ROBO1: variants seen among roughly 807,000 people sequenced by gnomAD.
ROBO1 encodes roundabout homolog 1.
ROBO1 carries 149 observed loss-of-function variants against 195.9 expected under a neutral mutation model. The observed-to-expected ratio is 0.76, with a 90% CI of 0.67 to 0.87. ROBO1 has a LOEUF of 0.87. Among genes scored for constraint, ROBO1 ranks in the 40% least tolerant of loss-of-function variants. The pLI is 0.00. For missense variants in ROBO1, 1,933 were observed against 2,068.3 expected (o/e 0.93, Z 1.27); for synonymous variants, 816 against 733.2 (o/e 1.11, Z -1.82).
At chr3:79,721,916 G>T (rs557748166) in intron 1 of ROBO1, among the ~76,000 whole-genome samples, 1 of 152,270 alleles carries the variant, frequency 6.6e-6, no homozygotes, top group Admixed American at 6.5e-5. Context: ...GGTTAAACTA[G>T]TTTAAGATCA....
chr3:79,391,453 C>T (rs1449828749), intron 2 of ROBO1, among the ~76,000 whole-genome samples: 3 of 152,052 alleles, frequency 2.0e-5, no homozygotes, highest in Non-Finnish European at 4.4e-5. Flanking sequence ...GCATGCCAGG[C>T]TCAGCAGATG....
intron 4 of ROBO1, among the ~76,000 whole-genome samples, chr3:78,896,985 G>C (rs2037278017): frequency 6.6e-6 from 1 of 152,172 alleles, no homozygotes; most frequent in Non-Finnish European, 1.5e-5. Context: ...GTGAGAAAAT[G>C]CAACAAAACT....
chr3:78,820,432 G>GACAA (rs1285728436), intron 4 of ROBO1, among the ~76,000 whole-genome samples: 41 of 152,248 alleles, frequency 2.7e-4, no homozygotes, highest in African/African-American at 9.4e-4. Context: ...TCAAGGCCTG[G>GACAA]ATTCAAAGCC....
chr3:79,156,474 A>T (rs2080860132), intron 2 of ROBO1, among the ~76,000 whole-genome samples: 1 of 151,828 alleles, frequency 6.6e-6, no homozygotes, highest in East Asian at 1.9e-4. Flanking sequence ...TTAAAATAGC[A>T]TTCTATTTGA....
At chr3:78,792,839 C>T (rs1056649618) in intron 4 of ROBO1, among the ~76,000 whole-genome samples, 4 of 152,028 alleles carry the variant, frequency 2.6e-5, no homozygotes, top group Non-Finnish European at 5.9e-5. Context: ...GTGGCTCATG[C>T]CTGTAATCAC....
chr3:79,651,289 A>T (rs1945998907), intron 1 of ROBO1, among the ~76,000 whole-genome samples: 1 of 152,172 alleles, frequency 6.6e-6, no homozygotes, highest in South Asian at 2.1e-4. Context: ...CAAAAATATA[A>T]AAATTGATAA....
At chr3:79,561,072 C>A (rs541094750) in intron 2 of ROBO1, among the ~76,000 whole-genome samples, 34 of 151,574 alleles carry the variant, frequency 2.2e-4, no homozygotes, top group Non-Finnish European at 3.5e-4. Context: ...GATTTCTAGA[C>A]TTTGCATCGT....
intron 2 of ROBO1, among the ~76,000 whole-genome samples, chr3:79,220,678 G>A (rs1012832770): frequency 9.9e-5 from 15 of 151,948 alleles, no homozygotes; most frequent in Non-Finnish European, 2.2e-4. Flanking sequence ...TTGGGTGACT[G>A]TGTATCTTCA....
chr3:79,488,779 G>A (rs971689271), intron 2 of ROBO1, among the ~76,000 whole-genome samples: 1 of 152,096 alleles, frequency 6.6e-6, no homozygotes, highest in Admixed American at 6.5e-5. Context: ...ACTAAAACCT[G>A]GCGCCATGTA....
chr3:78,966,434 A>G (rs1163046457), intron 3 of ROBO1, among the ~76,000 whole-genome samples: 1 of 152,172 alleles, frequency 6.6e-6, no homozygotes, highest in African/African-American at 2.4e-5. Context: ...TCGACGAGAG[A>G]GGTCGGGACT....
chr3:79,096,886 T>C (rs2079580223), intron 3 of ROBO1, among the ~76,000 whole-genome samples: 2 of 151,602 alleles, frequency 1.3e-5, no homozygotes, highest in Non-Finnish European at 3.0e-5. Flanking sequence ...GAGTTTGACA[T>C]TGTAAAATGC....
chr3:79,733,476 A>C (rs1703242343), intron 1 of ROBO1, among the ~76,000 whole-genome samples: 1 of 152,268 alleles, frequency 6.6e-6, no homozygotes, highest in South Asian at 2.1e-4. Context: ...ATCTTTCACT[A>C]TACTTATCTC....
intron 3 of ROBO1, among the ~76,000 whole-genome samples, chr3:79,049,679 A>G (rs1038443170): frequency 1.9e-4 from 29 of 152,212 alleles, no homozygotes; most frequent in African/African-American, 7.0e-4. Flanking sequence ...AGGGAATCCC[A>G]TAAGACTAAC....
intron 2 of ROBO1, among the ~76,000 whole-genome samples, chr3:79,578,057 A>G (rs76854745): frequency 6.8e-6 from 1 of 147,582 alleles, no homozygotes; most frequent in Non-Finnish European, 1.5e-5. Context: ...AAACTTAATA[A>G]TATTATATAC....
Position 78,956,642 on chromosome 3 carries a change from T to C in ROBO1, c.173-17715A>G, listed in dbSNP as rs1203752751. Among the ~76,000 whole-genome samples, 7 of 152,198 alleles carry C rather than the reference T, an allele frequency of 4.6e-5. No individual in the cohort carries two copies. The East Asian group carries it at 5.8e-4, about 13-fold the overall frequency. On this transcript the variant is annotated intron_variant, in intron 3 of 30. Transcript: ENST00000464233. ...AAGAAGAAAATGTTAAGTGATGCCA[T>C]AGGCATTTATACCTAGTGGTATAGA...
chr3:78,636,439 ATCTTTATGTGT>A (rs1054771489), intron 22 of ROBO1, among the ~76,000 whole-genome samples: 4 of 152,170 alleles, frequency 2.6e-5, no homozygotes, highest in Non-Finnish European at 5.9e-5. Context: ...ATACATGTAT[ATCTTTATGTGT>A]CAACTTTTTA....
chr3:78,816,953 G>A (rs929758232), intron 4 of ROBO1, among the ~76,000 whole-genome samples: 1 of 151,320 alleles, frequency 6.6e-6, no homozygotes, highest in African/African-American at 2.4e-5. Context: ...CCTGCGCAGT[G>A]TGCACATGTA....
At chr3:79,499,285 G>A (rs1423299403) in intron 2 of ROBO1, among the ~76,000 whole-genome samples, 2 of 152,080 alleles carry the variant, frequency 1.3e-5, no homozygotes, top group Non-Finnish European at 2.9e-5. Flanking sequence ...TTGAGCCACC[G>A]CGCCCGGCCC....
chr3:78,945,278 C>T lies in ROBO1; in HGVS notation c.173-6351G>A, dbSNP rs189020955. Among the ~76,000 whole-genome samples, 1,150 of 152,212 alleles carry T rather than the reference C, an allele frequency of 7.6e-3. 20 individuals carry two copies. Among genetic ancestry groups the T allele is most frequent in the African/African-American group, 0.024 (993 of 41,532 alleles). On this transcript the variant is annotated intron_variant, in intron 3 of 30. Transcript: ENST00000464233. The stretch of plus-strand genomic sequence containing the variant: ...ACTGGGAGGCACCCCCCAGTAGGGG[C>T]GGACTGACACCTCACACGGCCGGGT...
Sources: gnomAD v4.1 joint callset for allele counts (sites outside exome capture counted in the v4.1 genomes callset) on GRCh38, gnomAD v4.1.1 for gene constraint, MANE v1.5 for transcripts, NCBI Gene and HGNC (gene_info 2026-07-23, HGNC 2026-07-21) for gene names.